Variants in FRYL observed in about 807,000 individuals in gnomAD.
The protein encoded by FRYL is FRY like transcription coactivator.
A neutral mutation model predicts 351.2 loss-of-function variants in FRYL; 150 were observed. That is an observed-to-expected ratio of 0.43 (90% CI 0.37 to 0.49). The LOEUF (loss-of-function observed/expected upper bound fraction) is 0.49. Ranked by LOEUF, FRYL falls within the 20% of genes least tolerant of loss-of-function variation. The pLI is 0.00. For missense variants in FRYL, 3,036 were observed against 3,619.3 expected (o/e 0.84, Z 4.13); for synonymous variants, 1,153 against 1,257.1 (o/e 0.92, Z 1.75).
At chr4:48,558,787 A>G (rs1027997082) in intron 33 of FRYL, among the ~76,000 whole-genome samples, 15 of 152,238 alleles carry the variant, frequency 9.9e-5, no homozygotes, top group African/African-American at 3.6e-4. Context: ...GCGGAGTCAG[A>G]GTAATTTGCT....
intron 53 of FRYL, among the ~76,000 whole-genome samples, chr4:48,526,918 A>G (rs1726363533): frequency 6.6e-6 from 1 of 152,178 alleles, no homozygotes; most frequent in African/African-American, 2.4e-5. Flanking sequence ...TCGAATGTCA[A>G]AGAAAGAAGC....
chr4:48,705,987 C>T (rs749455587), intron 2 of FRYL, among the ~76,000 whole-genome samples: 1 of 152,182 alleles, frequency 6.6e-6, no homozygotes, highest in Admixed American at 6.5e-5. Context: ...CAGGCACACG[C>T]CACCACTCCT....
intron 26 of FRYL, among the ~76,000 whole-genome samples, chr4:48,571,196 A>T (rs1229970382): frequency 6.6e-6 from 1 of 152,242 alleles, no homozygotes; most frequent in African/African-American, 2.4e-5. Flanking sequence ...CTAATCAGAC[A>T]GTTTTGGAAT....
chr4:48,521,284 A>T, intron 54 of FRYL, 69 bp from the exon 55 acceptor site: 1 of 1,193,634 alleles, frequency 8.4e-7, no homozygotes, highest in Non-Finnish European at 1.2e-6. Context: ...ATTCTCTATC[A>T]TAAAATATTT....
In FRYL at chr4:48,548,532, A is replaced by C. The variant is rs115504042; in HGVS notation, c.4888+158T>G. Among the ~76,000 whole-genome samples the C allele has an allele frequency of 4.8e-3, 725 of 152,204 alleles. 8 individuals carry two copies. Among genetic ancestry groups the C allele is most frequent in the African/African-American group, 0.016 (671 of 41,510 alleles). On this transcript the variant is annotated intron_variant, in intron 40 of 63. Transcript: ENST00000358350. Reference sequence around the variant, plus strand: ...GTGGTTAGAAGAGGGGCCAGACATAACTCCCCAAGAGACCAGAGGAATCAT... The same window carrying C: ...GTGGTTAGAAGAGGGGCCAGACATACCTCCCCAAGAGACCAGAGGAATCAT...
At chr4:48,638,721 T>C (rs1228129634) in intron 3 of FRYL, among the ~76,000 whole-genome samples, 1 of 152,144 alleles carries the variant, frequency 6.6e-6, no homozygotes, top group East Asian at 1.9e-4. Context: ...TGCCCATCAA[T>C]GATAGACTGA....
At chr4:48,684,881 A>G (rs1764997132) in intron 2 of FRYL, 86 bp from the exon 3 acceptor site, 1 of 152,212 alleles carries the variant, frequency 6.6e-6, no homozygotes, top group African/African-American at 2.4e-5. Flanking sequence ...CACATTTTAT[A>G]CATTTTATAC....
chr4:48,561,777 GGC>G, intron 32 of FRYL, 141 bp from the exon 33 acceptor site: 1 of 580,266 alleles, frequency 1.7e-6, no homozygotes, highest in Non-Finnish European at 2.8e-6. Flanking sequence ...TACTTTGGAA[GGC>G]AGAGGTGGGA....
intron 42 of FRYL, among the ~76,000 whole-genome samples, chr4:48,545,247 G>A (rs1468065129): frequency 6.6e-6 from 1 of 152,194 alleles, no homozygotes; most frequent in Non-Finnish European, 1.5e-5. Context: ...ATTTGCTGGT[G>A]AAATGCAATG....
At chr4:48,548,922 G>A (rs771666883) in intron 39 of FRYL, 129 bp from the exon 40 acceptor site, 15 of 588,610 alleles carry the variant, frequency 2.5e-5, no homozygotes, top group Non-Finnish European at 3.6e-5. Context: ...AAGGAAAAAG[G>A]AGGAAAAACA....
intron 9 of FRYL, among the ~76,000 whole-genome samples, chr4:48,606,875 C>T (rs1226814414): frequency 6.6e-6 from 1 of 152,054 alleles, no homozygotes; most frequent in Non-Finnish European, 1.5e-5. Flanking sequence ...CCACCATTAC[C>T]ATTTAATTAA....
intron 35 of FRYL, among the ~76,000 whole-genome samples, chr4:48,555,389 T>C (rs1232807279): frequency 2.0e-5 from 3 of 152,184 alleles, no homozygotes; most frequent in Non-Finnish European, 2.9e-5. Flanking sequence ...ATAGGTAAAA[T>C]ATATCATGTG....
chr4:48,506,613 C>CA (rs1720996189), intron 59 of FRYL: 6 of 64,670 alleles, frequency 9.3e-5, no homozygotes, highest in East Asian at 4.5e-4. Flanking sequence ...AACAATACAA[C>CA]TAATATATAT....
At chr4:48,555,390 A>G (rs1344697074) in intron 35 of FRYL, among the ~76,000 whole-genome samples, 1 of 152,200 alleles carries the variant, frequency 6.6e-6, no homozygotes, top group Non-Finnish European at 1.5e-5. Flanking sequence ...TAGGTAAAAT[A>G]TATCATGTGT....
At chr4:48,555,439 G>A (rs1372542116) in intron 35 of FRYL, among the ~76,000 whole-genome samples, 1 of 152,200 alleles carries the variant, frequency 6.6e-6, no homozygotes, top group East Asian at 1.9e-4. Context: ...AATGAAGAAG[G>A]GAAAGGAAAT....
chr4:48,560,491 C>T (rs1735238255), intron 33 of FRYL, among the ~76,000 whole-genome samples: 1 of 152,110 alleles, frequency 6.6e-6, no homozygotes, highest in Non-Finnish European at 1.5e-5. Flanking sequence ...CAGCACACAT[C>T]CTAGGCGATG....
At position 48,499,318 on chromosome 4, in the gene FRYL, T is replaced by C; in HGVS notation, c.*104A>G. Reference sequence around the variant, plus strand: ...GACATTAGTTACACTAAAAAGTAGATGCTGCCAGAAAGTTATCAGTGAATG... The same window carrying C: ...GACATTAGTTACACTAAAAAGTAGACGCTGCCAGAAAGTTATCAGTGAATG... On this transcript the variant is annotated 3_prime_UTR_variant, in exon 64 of 64. Transcript: ENST00000358350. 1 of 967,318 alleles carries C rather than the reference T, an allele frequency of 1.0e-6. No individual in the cohort carries two copies. Among genetic ancestry groups the C allele is most frequent in the Non-Finnish European group, 1.6e-6 (1 of 633,496 alleles). The allele number at this position is 967,318 out of a possible 1,614,324, so 59.9% of individuals were successfully genotyped here.
chr4:48,606,887 A>G (rs573419629), intron 9 of FRYL, among the ~76,000 whole-genome samples: 101 of 152,336 alleles, frequency 6.6e-4, no homozygotes, highest in Non-Finnish European at 1.1e-3. Flanking sequence ...TTTAATTAAT[A>G]ACCATAATAG....
At chr4:48,731,703 A>G (rs760434896) in intron 1 of FRYL, among the ~76,000 whole-genome samples, 27 of 152,320 alleles carry the variant, frequency 1.8e-4, no homozygotes, top group South Asian at 4.1e-4. Context: ...CTATTTAATA[A>G]ATGGTGTTGG....
Sources: allele counts gnomAD v4.1 joint callset (sites outside exome capture counted in the v4.1 genomes callset), GRCh38; gene constraint gnomAD v4.1.1; transcripts MANE v1.5; gene names NCBI Gene and HGNC (gene_info 2026-07-23, HGNC 2026-07-21).